Variants in FHL1 observed in about 807,000 individuals in gnomAD.
The protein encoded by FHL1 is four and a half LIM domains 1, also known as four and a half LIM domains protein 1.
A neutral mutation model predicts 20.3 loss-of-function variants in FHL1; 1 was observed. The ratio of observed to expected loss-of-function variants is 0.05; its 90% confidence interval spans 0.02 to 0.23. The LOEUF (loss-of-function observed/expected upper bound fraction) is 0.23, where lower values mean the gene tolerates loss of function less well. Ranked by LOEUF, FHL1 falls within the 10% of genes least tolerant of loss-of-function variation. FHL1 has a pLI of 1.00. For missense variants in FHL1, 177 were observed against 234.0 expected (o/e 0.76, Z 1.59); for synonymous variants, 82 against 88.9 (o/e 0.92, Z 0.44).
In FHL1 at chrX:136,210,655, G is replaced by T. The variant is rs1378706086; in HGVS notation, c.*630G>T. The T allele has an allele frequency of 1.0e-5, 4 of 388,615 alleles. No individual in the cohort carries two copies. Among genetic ancestry groups the T allele is most frequent in the Non-Finnish European group, 1.9e-5 (4 of 206,864 alleles). 32.0% of individuals were successfully genotyped at this position (388,615 alleles called of 1,213,427 possible). A position where few individuals can be genotyped will look rare whatever the true frequency, so the allele number is the denominator to read the frequency against. On this transcript the variant is annotated 3_prime_UTR_variant, in exon 6 of 6. Coordinates refer to ENST00000370683, the MANE Select transcript of FHL1 (RefSeq NM_001159699.2). ...AACGTTTGGTTTCCCCGTGTGGCATGTTTTCTGAGCGTTCCTACTTTAAAG... is the reference window on the plus strand; with the variant it reads ...AACGTTTGGTTTCCCCGTGTGGCATTTTTTCTGAGCGTTCCTACTTTAAAG...
chrX:136,183,494 A>C (rs1356225223), intron 2 of FHL1, among the ~76,000 whole-genome samples: 1 of 112,157 alleles, frequency 8.9e-6, no homozygotes, highest in Non-Finnish European at 1.9e-5. Flanking sequence ...GTGAATAGTT[A>C]AGTTTAAAAC....
upstream of FHL1, among the ~76,000 whole-genome samples, chrX:136,166,013 A>G (rs975282919): frequency 3.0e-4 from 34 of 112,391 alleles, no homozygotes; most frequent in Non-Finnish European, 6.2e-4. Context: ...CTTTGCTGTC[A>G]TCTTACCCAG....
intron 2 of FHL1, chrX:136,182,613 G>A (rs982171157): frequency 8.9e-6 from 1 of 111,831 alleles, no homozygotes; most frequent in Non-Finnish European, 1.9e-5. Context: ...GTTTCCTTCT[G>A]GAAGTCTTCA....
chrX:136,210,931 C>T lies in FHL1; in HGVS notation c.*906C>T. ...GCTGAAATTCATCCTACGGAAGTAA[C>T]CGCAAAACTCTAGAGGGGGAGTTGA... is the stretch of plus-strand genomic sequence containing the variant. On this transcript the variant is annotated 3_prime_UTR_variant, in exon 6 of 6. Transcript: ENST00000370683. 5.2e-6 allele frequency: 2 copies of T among 382,658 alleles called. No homozygotes were observed. Among genetic ancestry groups the T allele is most frequent in the Non-Finnish European group, 9.9e-6 (2 of 202,627 alleles). 31.5% of individuals were successfully genotyped at this position (382,658 alleles called of 1,213,427 possible). A position where few individuals can be genotyped will look rare whatever the true frequency, so the allele number is the denominator to read the frequency against.
upstream of FHL1, chrX:136,168,145 C>T (rs1211146898): frequency 3.6e-5 from 4 of 112,043 alleles, no homozygotes; most frequent in African/African-American, 1.3e-4. Context: ...CATTATGATG[C>T]TCATAGAGGC....
chrX:136,150,222 A>G (rs2072229659), intron 1 of FHL1, among the ~76,000 whole-genome samples: 1 of 112,232 alleles, frequency 8.9e-6, no homozygotes, highest in African/African-American at 3.2e-5. Context: ...TTTGTAAATC[A>G]CGTTTTCATG....
At chrX:136,170,901 A>G (rs769157813) in intron 2 of FHL1, among the ~76,000 whole-genome samples, 1 of 111,704 alleles carries the variant, frequency 9.0e-6, no homozygotes, top group Non-Finnish European at 1.9e-5. Flanking sequence ...CTTAGATTTC[A>G]GTTAGGGTAC....
At chrX:136,209,506 C>T in intron 5 of FHL1, 1 of 1,098,683 alleles carries the variant, frequency 9.1e-7, no homozygotes, top group South Asian at 1.9e-5. Flanking sequence ...TGTCATGGCC[C>T]TGACCTAAAT....
At chrX:136,196,715 G>A, upstream of FHL1, 1 of 745,550 alleles carries the variant, frequency 1.3e-6, no homozygotes, top group South Asian at 3.0e-5. Flanking sequence ...CCAAATGCAA[G>A]CTCTTGAGGC....
At chrX:136,190,235 G>A (rs1195181946) in intron 2 of FHL1, among the ~76,000 whole-genome samples, 1 of 111,240 alleles carries the variant, frequency 9.0e-6, no homozygotes, top group Non-Finnish European at 1.9e-5. Flanking sequence ...TCTGGACTTC[G>A]TGTTCCTGTC....
At chrX:136,163,738 A>G (rs2072636687) in intron 1 of FHL1, among the ~76,000 whole-genome samples, 1 of 111,775 alleles carries the variant, frequency 8.9e-6, no homozygotes, top group Non-Finnish European at 1.9e-5. Flanking sequence ...GATCTGTACA[A>G]TTCTTTGTTT....
Position 136,211,218 on chromosome X carries a change from C to T in FHL1, c.*1193C>T. Reference sequence around the variant, plus strand: ...ATAATGAGACAATATCAAAAGTAAACATGTAATGACAATACATACTAACAT... The same window carrying T: ...ATAATGAGACAATATCAAAAGTAAATATGTAATGACAATACATACTAACAT... On this transcript the variant is annotated 3_prime_UTR_variant, in exon 6 of 6. Transcript: ENST00000370683. The T allele has an allele frequency of 2.8e-6, 1 of 358,720 alleles. No homozygotes were observed. Among genetic ancestry groups the T allele is most frequent in the Admixed American group, 3.0e-5 (1 of 32,975 alleles). The allele number at this position is 358,720 out of a possible 1,213,427, so 29.6% of individuals were successfully genotyped here.
intron 1 of FHL1, among the ~76,000 whole-genome samples, chrX:136,205,946 C>G (rs1488863250): frequency 1.8e-5 from 2 of 111,390 alleles, no homozygotes; most frequent in African/African-American, 6.5e-5. Context: ...CACACTCTTC[C>G]TTTGTATAAA....
chrX:136,167,657 C>T (rs1355714938), upstream of FHL1, among the ~76,000 whole-genome samples: 1 of 111,858 alleles, frequency 8.9e-6, no homozygotes, highest in Non-Finnish European at 1.9e-5. Flanking sequence ...TACTAGAAGA[C>T]ACTTTCCCTG....
upstream of FHL1, chrX:136,169,306 C>A (rs753867242): frequency 7.5e-6 from 1 of 133,443 alleles, no homozygotes; most frequent in East Asian, 2.1e-4. Flanking sequence ...ACACCTGTTT[C>A]CTAGTGCTGC....
chrX:136,182,413 G>T (rs1655780017), intron 2 of FHL1, among the ~76,000 whole-genome samples: 1 of 112,408 alleles, frequency 8.9e-6, no homozygotes, highest in East Asian at 2.8e-4. Context: ...ATTTTTTAAA[G>T]AAAACACTCT....
At chrX:136,147,939 G>A (rs775672886) in intron 1 of FHL1, 1 of 101,393 alleles carries the variant, frequency 9.9e-6, no homozygotes, top group East Asian at 3.3e-4. Context: ...CAGTGGGGTG[G>A]AGGTGGGGGG....
chrX:136,191,744 C>T (rs2073436208), intron 2 of FHL1, among the ~76,000 whole-genome samples: 1 of 112,359 alleles, frequency 8.9e-6, no homozygotes, highest in Non-Finnish European at 1.9e-5. Context: ...CTGATCAAGG[C>T]AGTTGATCTC....
intron 5 of FHL1, among the ~76,000 whole-genome samples, chrX:136,209,651 G>GC (rs1275332433): frequency 9.1e-6 from 1 of 110,439 alleles, no homozygotes; most frequent in Non-Finnish European, 1.9e-5. Flanking sequence ...GAGAGCCACA[G>GC]CAGGGTTGCG....
Sources: gnomAD v4.1 joint callset for allele counts (sites outside exome capture counted in the v4.1 genomes callset) on GRCh38, gnomAD v4.1.1 for gene constraint, MANE v1.5 for transcripts, NCBI Gene and HGNC (gene_info 2026-07-23, HGNC 2026-07-21) for gene names.